LAMP1: variants seen among roughly 807,000 people sequenced by gnomAD.
LAMP1 encodes the protein lysosome associated membrane protein 1.
LAMP1 carries 7 observed loss-of-function variants against 37.5 expected under a neutral mutation model. The ratio of observed to expected loss-of-function variants is 0.19; its 90% CI spans 0.11 to 0.35. The LOEUF is 0.35. LAMP1 is among the 10% of genes least tolerant of loss of function. LAMP1 has a pLI of 1.00. For missense variants in LAMP1, 537 were observed against 552.8 expected (o/e 0.97, Z 0.29); for synonymous variants, 236 against 229.1 (o/e 1.03, Z -0.27).
At position 113,320,289 on chromosome 13, in the gene LAMP1, T is replaced by A; in HGVS notation, c.751-56T>A. 1 of 1,607,248 alleles carries A rather than the reference T, an allele frequency of 6.2e-7. No homozygotes were observed. Among genetic ancestry groups the A allele is most frequent in the East Asian group, 2.2e-5 (1 of 44,798 alleles). On this transcript the variant is annotated intron_variant, in intron 5 of 8. Transcript: ENST00000332556. This position sits in a 1 kb window ranked among gnomAD's most constrained non-coding sequence, Gnocchi z 4.4. The stretch of plus-strand genomic sequence containing the variant: ...CACGGTTTCAGGACTGTTTGTCTTT[T>A]CGAGAGTGTGGAGGACCTGAGCTAG...
chr13:113,306,755 G>A (rs765916702), intron 2 of LAMP1, 149 bp downstream of exon 2: 7 of 781,514 alleles, frequency 9.0e-6, no homozygotes, highest in African/African-American at 5.3e-5. Flanking sequence ...AGTAACCTGC[G>A]CTGTCATGTG....
chr13:113,306,613 A>G lies in LAMP1; in HGVS notation c.183+7A>G, dbSNP rs746684041. 1.2e-6 allele frequency: 2 copies of G among 1,612,268 alleles called. No homozygotes were observed. The highest frequency in any genetic ancestry group is 2.7e-5 in the African/African-American group (2 of 74,800). ...CACCAAGAGTGGCCCTAAGGTAGGA[A>G]ACACCAGGGCACTTCATGCTTCCCT... On this transcript the variant is annotated splice_region_variant and intron_variant, in intron 2 of 8. Transcript: ENST00000332556.
At chr13:113,309,228 GTAGC>G (rs1225927123) in intron 2 of LAMP1, among the ~76,000 whole-genome samples, 1 of 151,996 alleles carries the variant, frequency 6.6e-6, no homozygotes, top group Non-Finnish European at 1.5e-5. Flanking sequence ...AGCCTCCTGA[GTAGC>G]TGGGACGACA....
rs1166567295 is a variant in LAMP1, at chr13:113,297,250, G to T, written c.-185G>T. On this transcript the variant is annotated 5_prime_UTR_variant, in exon 1 of 9. Coordinates refer to ENST00000332556, the MANE Select transcript of LAMP1 (RefSeq NM_005561.4). The surrounding 1 kb of genome is among the most constrained non-coding windows in gnomAD (Gnocchi z 4.4). ...GCGCGGCGCAGCTCACGTGACAAGC[G>T]CTGCCGGCCGCGGTGTCTTCTTCGT... 2 of 167,584 alleles carry T rather than the reference G, an allele frequency of 1.2e-5. No individual in the cohort carries two copies. Among genetic ancestry groups the T allele is most frequent in the African/African-American group, 4.8e-5 (2 of 41,748 alleles). The allele number at this position is 167,584 out of a possible 1,614,324, so 10.4% of individuals were successfully genotyped here.
At chr13:113,301,643 AAATATATATATATATATATATAT>A (rs1448741131) in intron 1 of LAMP1, among the ~76,000 whole-genome samples, 59 of 4,854 alleles carry the variant, frequency 0.012, 4 homozygotes, top group African/African-American at 0.015. Flanking sequence ...AAAAAAAAAA[AAATATATATATATATATATATAT>A]ATATATATAT....
At chr13:113,315,886 T>A (rs2042660920) in intron 4 of LAMP1, among the ~76,000 whole-genome samples, 1 of 151,650 alleles carries the variant, frequency 6.6e-6, no homozygotes, top group Non-Finnish European at 1.5e-5. Context: ...GTGGATCACC[T>A]CAGGTCAGGA....
chr13:113,316,730 T>G (rs944809199), intron 4 of LAMP1, among the ~76,000 whole-genome samples: 4 of 151,960 alleles, frequency 2.6e-5, no homozygotes, highest in African/African-American at 9.7e-5. Context: ...TGCAGCATTT[T>G]TTTTTCATTC....
chr13:113,298,256 T>C (rs1449528407), intron 1 of LAMP1, among the ~76,000 whole-genome samples: 1 of 152,164 alleles, frequency 6.6e-6, no homozygotes, highest in Non-Finnish European at 1.5e-5. Flanking sequence ...CCTTCTCTTC[T>C]GTCAGTTTAT....
rs1183605438 is a variant in LAMP1, at chr13:113,320,602, C to T, written c.876+132C>T. The T allele has an allele frequency of 7.5e-6, 7 of 933,388 alleles. No homozygotes were observed. The South Asian group carries it at 8.4e-5, about 11-fold the overall frequency. The allele number at this position is 933,388 out of a possible 1,614,324, so 57.8% of individuals were successfully genotyped here. A position where few individuals can be genotyped will look rare whatever the true frequency, so the allele number is the denominator to read the frequency against. ...CACTTTTTTCTGCCTTCCCTTTATC[C>T]TGGGCTTTTTAGTTCCTTGGTTCCC... On this transcript the variant is annotated intron_variant, in intron 6 of 8. Coordinates refer to ENST00000332556, the MANE Select transcript of LAMP1 (RefSeq NM_005561.4). This position sits in a 1 kb window ranked among gnomAD's most constrained non-coding sequence, Gnocchi z 4.4.
At chr13:113,299,485 G>A (rs1027296768) in intron 1 of LAMP1, among the ~76,000 whole-genome samples, 37 of 151,762 alleles carry the variant, frequency 2.4e-4, no homozygotes, top group South Asian at 1.0e-3. Context: ...GACTGGTCTC[G>A]ATCTCCCGAC....
In LAMP1 at chr13:113,302,900, C is replaced by CTT. The variant is rs2042581301; in HGVS notation, c.62-3585_62-3584insTT. 1.2e-4 allele frequency among the ~76,000 whole-genome samples: 19 copies of CTT among 152,322 alleles called. 1 individual carries two copies. Among genetic ancestry groups the CTT allele is most frequent in the Middle Eastern group, 3.4e-3 (1 of 294 alleles). On this transcript the variant is annotated intron_variant, in intron 1 of 8. Coordinates refer to ENST00000332556, the MANE Select transcript of LAMP1 (RefSeq NM_005561.4). ...AGTTGACCTCTCTATGCCTTAATCT[C>CTT]CCTATGAAGAGTTGTCATGATAACT...
At position 113,297,412 on chromosome 13, in the gene LAMP1, A is replaced by T; in HGVS notation, c.-23A>T. ...CGCCGCCCGCGCCCCCGCTCCCCGC[A>T]CCGTACCCGGCCGCCTCGCGCCATG... On this transcript the variant is annotated 5_prime_UTR_variant, in exon 1 of 9. Transcript: ENST00000332556. This position sits in a 1 kb window ranked among gnomAD's most constrained non-coding sequence, Gnocchi z 4.4. 5.0e-6 allele frequency: 4 copies of T among 803,614 alleles called. No individual in the cohort carries two copies. Among genetic ancestry groups the T allele is most frequent in the Non-Finnish European group, 6.7e-6 (4 of 595,278 alleles). 49.8% of individuals were successfully genotyped at this position (803,614 alleles called of 1,614,324 possible). A position where few individuals can be genotyped will look rare whatever the true frequency, so the allele number is the denominator to read the frequency against.
chr13:113,309,954 T>TGTGGTGGC, intron 3 of LAMP1, 92 bp downstream of exon 3: 1 of 1,027,718 alleles, frequency 9.7e-7, no homozygotes, highest in South Asian at 1.4e-5. Context: ...ACAGGCTGGG[T>TGTGGTGGC]GTGGTGGCTC....
intron 1 of LAMP1, among the ~76,000 whole-genome samples, chr13:113,303,452 C>T (rs1410465332): frequency 1.3e-5 from 2 of 152,064 alleles, no homozygotes; most frequent in Admixed American, 6.5e-5. Flanking sequence ...ATGCTGCCAA[C>T]GGCTGTCCTG....
intron 1 of LAMP1, among the ~76,000 whole-genome samples, chr13:113,301,815 C>A: frequency 6.8e-6 from 1 of 147,164 alleles, no homozygotes. Context: ...ATAAAAATAC[C>A]ATATTTAAAA....
chr13:113,314,823 C>G (rs1262433039), intron 4 of LAMP1, among the ~76,000 whole-genome samples: 2 of 95,906 alleles, frequency 2.1e-5, no homozygotes, highest in Admixed American at 1.1e-4. Flanking sequence ...TGGAGATGCC[C>G]ATGTGCCTGG....
chr13:113,301,583 A>G (rs1362279709), intron 1 of LAMP1, among the ~76,000 whole-genome samples: 1 of 148,342 alleles, frequency 6.7e-6, no homozygotes, highest in Non-Finnish European at 1.5e-5. Context: ...AGATCATGCT[A>G]CTGGACTCCA....
intron 1 of LAMP1, 90 bp from the exon 2 acceptor site, chr13:113,306,395 C>A: frequency 1.5e-6 from 2 of 1,305,236 alleles, no homozygotes; most frequent in Non-Finnish European, 2.1e-6. Context: ...GTAATAAAAG[C>A]CATCACTGCT....
At chr13:113,298,293 A>C (rs1566395399) in intron 1 of LAMP1, among the ~76,000 whole-genome samples, 1 of 152,166 alleles carries the variant, frequency 6.6e-6, no homozygotes, top group Non-Finnish European at 1.5e-5. Flanking sequence ...GTAGGTGCTC[A>C]ATATTGTATT....
Sources: gnomAD v4.1 joint callset for allele counts (sites outside exome capture counted in the v4.1 genomes callset) on GRCh38, gnomAD v4.1.1 for gene constraint, Gnocchi (gnomAD v3.1) non-coding constraint, MANE v1.5 for transcripts, NCBI Gene and HGNC (gene_info 2026-07-23, HGNC 2026-07-21) for gene names.